Variants in LMO7 observed in about 807,000 individuals in gnomAD.
LMO7 encodes LIM domain 7.
LMO7 carries 120 observed loss-of-function variants against 206.5 expected under a neutral mutation model. That is an observed-to-expected ratio of 0.58 (90% CI 0.50 to 0.68). The LOEUF is 0.68. Among genes scored for constraint, LMO7 ranks in the 30% least tolerant of loss-of-function variants. The pLI is 0.00. For missense variants in LMO7, 1,959 were observed against 1,957.9 expected (o/e 1.00, Z -0.01); for synonymous variants, 706 against 681.5 (o/e 1.04, Z -0.56).
In LMO7 at chr13:75,817,866, C is replaced by T. The variant is rs145525274; in HGVS notation, c.2064+588C>T. On this transcript the variant is annotated intron_variant, in intron 12 of 30. Transcript: ENST00000377534. ...TATAGACTTACTCTTTAGTTTTGAT[C>T]CTGAAGAAAAAAGCTTGACCATTTT... Among the ~76,000 whole-genome samples the T allele has an allele frequency of 5.5e-3, 842 of 151,880 alleles. 6 individuals carry two copies. Among genetic ancestry groups the T allele is most frequent in the African/African-American group, 0.018 (746 of 41,360 alleles).
chr13:75,806,197 C>A (rs903159630), intron 9 of LMO7: 1 of 992,102 alleles, frequency 1.0e-6, no homozygotes, highest in African/African-American at 1.7e-5. Context: ...AGCTACCAAA[C>A]GGGCTGTAAA....
chr13:75,672,034 C>T (rs2039628488), intron 1 of LMO7, among the ~76,000 whole-genome samples: 1 of 152,052 alleles, frequency 6.6e-6, no homozygotes, highest in Non-Finnish European at 1.5e-5. Flanking sequence ...ATACAGTCGA[C>T]CCTCAGCATG....
intron 3 of LMO7, among the ~76,000 whole-genome samples, chr13:75,746,155 C>T (rs1594706644): frequency 6.6e-6 from 1 of 152,020 alleles, no homozygotes. Flanking sequence ...GGGGCTTTTG[C>T]ACCAGTAGTT....
intron 15 of LMO7, among the ~76,000 whole-genome samples, chr13:75,827,535 C>G (rs553084493): frequency 6.6e-6 from 1 of 152,124 alleles, no homozygotes; most frequent in South Asian, 2.1e-4. Flanking sequence ...CTTTTTGCAC[C>G]CTTTCTTTTG....
At chr13:75,732,750 G>A (rs1381702927) in intron 3 of LMO7, among the ~76,000 whole-genome samples, 1 of 152,102 alleles carries the variant, frequency 6.6e-6, no homozygotes, top group African/African-American at 2.4e-5. Flanking sequence ...CCATCTTTGT[G>A]GTTTTGTCGG....
At chr13:75,637,487 CT>C (rs2036062815) in intron 1 of LMO7, among the ~76,000 whole-genome samples, 1 of 151,926 alleles carries the variant, frequency 6.6e-6, no homozygotes, top group Admixed American at 6.6e-5. Flanking sequence ...ATCAGGACTT[CT>C]AGCCGTTATT....
chr13:75,701,777 T>C (rs975698929), intron 1 of LMO7, among the ~76,000 whole-genome samples: 1 of 152,226 alleles, frequency 6.6e-6, no homozygotes, highest in Non-Finnish European at 1.5e-5. Flanking sequence ...GAAGTGATTT[T>C]TGTGATTGTT....
intron 1 of LMO7, among the ~76,000 whole-genome samples, chr13:75,673,959 T>C (rs2039803999): frequency 8.2e-6 from 1 of 122,260 alleles, no homozygotes; most frequent in Admixed American, 8.0e-5. Context: ...GACTCACTGG[T>C]AAATCAAACT....
chr13:75,651,702 G>C (rs2037587376), intron 1 of LMO7, among the ~76,000 whole-genome samples: 1 of 152,200 alleles, frequency 6.6e-6, no homozygotes, highest in South Asian at 2.1e-4. Flanking sequence ...TGGGGAAAAT[G>C]GCTTTTTTGG....
At chr13:75,747,079 A>G (rs1296052830) in intron 3 of LMO7, among the ~76,000 whole-genome samples, 1 of 152,188 alleles carries the variant, frequency 6.6e-6, no homozygotes. Context: ...AATCTGGACT[A>G]AAAAATGATC....
intron 4 of LMO7, among the ~76,000 whole-genome samples, chr13:75,763,813 A>T (rs537802038): frequency 6.6e-6 from 1 of 152,222 alleles, no homozygotes; most frequent in South Asian, 2.1e-4. Context: ...GCCCAAGCAG[A>T]GTTGTGTATG....
At chr13:75,726,817 A>C (rs538662560) in intron 2 of LMO7, among the ~76,000 whole-genome samples, 2 of 152,100 alleles carry the variant, frequency 1.3e-5, no homozygotes, top group Non-Finnish European at 2.9e-5. Flanking sequence ...CACATAAAGG[A>C]TATAGACTAT....
Position 75,835,222 on chromosome 13 carries a change from C to G in LMO7, c.3227-11C>G. On this transcript the variant is annotated splice_polypyrimidine_tract_variant and intron_variant, in intron 17 of 30. Transcript: ENST00000377534. ...CCCTCAATCTCACCAGTATGGCTACCAAAATTATAGGTTCACCTGAAACAA... is the reference window on the plus strand; with the variant it reads ...CCCTCAATCTCACCAGTATGGCTACGAAAATTATAGGTTCACCTGAAACAA... 1.2e-6 allele frequency: 2 copies of G among 1,612,184 alleles called. No individual in the cohort carries two copies. The highest frequency in any genetic ancestry group is 8.5e-7 in the Non-Finnish European group (1 of 1,179,166).
intron 28 of LMO7, 35 bp downstream of exon 28, chr13:75,853,423 T>C (rs751015283): frequency 2.1e-5 from 31 of 1,510,170 alleles, no homozygotes; most frequent in South Asian, 2.6e-5. Context: ...CTTCTCTTAG[T>C]CTTGGGTATT....
intron 4 of LMO7, among the ~76,000 whole-genome samples, chr13:75,767,613 A>G (rs1198585379): frequency 6.6e-6 from 1 of 152,078 alleles, no homozygotes; most frequent in African/African-American, 2.4e-5. Flanking sequence ...TGGCATAACT[A>G]GAAAAACACT....
chr13:75,750,430 C>A (rs1019187948), intron 3 of LMO7, among the ~76,000 whole-genome samples: 1 of 143,434 alleles, frequency 7.0e-6, no homozygotes, highest in Non-Finnish European at 1.5e-5. Flanking sequence ...TGCTTTATTG[C>A]CCAGGCTGGA....
intron 4 of LMO7, among the ~76,000 whole-genome samples, chr13:75,769,233 G>A (rs2049311212): frequency 6.6e-6 from 1 of 151,922 alleles, no homozygotes; most frequent in Non-Finnish European, 1.5e-5. Context: ...TATGTTTTAG[G>A]GGTAATTGCC....
At chr13:75,624,426 AG>A (rs2033756186) in intron 2 of LMO7, among the ~76,000 whole-genome samples, 1 of 152,182 alleles carries the variant, frequency 6.6e-6, no homozygotes, top group South Asian at 2.1e-4. Flanking sequence ...AAAGTTTCAT[AG>A]GGCCAATTTC....
At chr13:75,626,595 A>ATATATATTTTTTTTTTTTTTTTTTTTT in intron 2 of LMO7, among the ~76,000 whole-genome samples, 16 of 71,174 alleles carry the variant, frequency 2.2e-4, no homozygotes, top group Non-Finnish European at 5.4e-4. Context: ...ATATATATAA[A>ATATATATTTTTTTTTTTTTTTTTTTTT]TTTTTTTGAG....
Sources: allele counts gnomAD v4.1 joint callset (sites outside exome capture counted in the v4.1 genomes callset), GRCh38; gene constraint gnomAD v4.1.1; transcripts MANE v1.5; gene names NCBI Gene and HGNC (gene_info 2026-07-23, HGNC 2026-07-21).